Variants in MARCHF8 observed in about 807,000 individuals in gnomAD.
The protein encoded by MARCHF8 is E3 ubiquitin-protein ligase MARCHF8.
MARCHF8 carries 40 observed loss-of-function variants against 51.6 expected under a neutral mutation model. The observed-to-expected ratio is 0.77, with a 90% CI of 0.60 to 1.01. The LOEUF (loss-of-function observed/expected upper bound fraction) is 1.01, where lower values mean the gene tolerates loss of function less well. Ranked by LOEUF, MARCHF8 falls within the 50% of genes least tolerant of loss-of-function variation. The probability of loss-of-function intolerance (pLI) is 0.00; values close to 1 mark genes in which losing one functional copy is unlikely to be tolerated. For missense variants in MARCHF8, 685 were observed against 708.6 expected, an observed-to-expected ratio of 0.97 and a Z score of 0.38; for synonymous variants, 263 against 280.3, an observed-to-expected ratio of 0.94 and a Z score of 0.62.
At position 45,457,630 on chromosome 10, in the gene MARCHF8, AT is replaced by A; in HGVS notation, c.*608del. 6.5e-6 allele frequency: 1 copy of A among 152,676 alleles called. No homozygotes were observed. The highest frequency in any genetic ancestry group is 1.5e-5 in the Non-Finnish European group (1 of 68,082). The allele number at this position is 152,676 out of a possible 1,614,324, so 9.5% of individuals were successfully genotyped here. ...AGTGTCAATCCCGCTGGACACACAT[AT>A]TACAAAATAAAGATTTTCTTCTGTA... On this transcript the variant is annotated 3_prime_UTR_variant, in exon 8 of 8. Coordinates refer to ENST00000453424, the MANE Select transcript of MARCHF8 (RefSeq NM_001282866.2).
chr10:45,487,326 T>C (rs963851917), intron 3 of MARCHF8, among the ~76,000 whole-genome samples: 1 of 152,190 alleles, frequency 6.6e-6, no homozygotes, highest in South Asian at 2.1e-4. Context: ...TTCCTTTAAA[T>C]AAAATGTGAC....
Position 45,514,425 on chromosome 10 carries a change from G to C in MARCHF8, c.102+18685C>G, listed in dbSNP as rs535844104. Among the ~76,000 whole-genome samples, 201 of 152,350 alleles carry C rather than the reference G, an allele frequency of 1.3e-3. 1 individual carries two copies. Among genetic ancestry groups the C allele is most frequent in the African/African-American group, 4.4e-3 (181 of 41,580 alleles). ...TCCCTGTGCTTGATGCCGGGGAACA[G>C]GCGCTGCCTGCACAGCAGCTGCCAC... On this transcript the variant is annotated intron_variant, in intron 2 of 7. Transcript: ENST00000453424.
At chr10:45,508,861 T>C (rs2043439237) in intron 2 of MARCHF8, among the ~76,000 whole-genome samples, 2 of 152,378 alleles carry the variant, frequency 1.3e-5, no homozygotes, top group East Asian at 1.9e-4. Flanking sequence ...TTATCTTGTT[T>C]TGCATGTCAC....
chr10:45,555,411 G>A (rs886400780), intron 1 of MARCHF8, among the ~76,000 whole-genome samples: 1 of 151,850 alleles, frequency 6.6e-6, no homozygotes, highest in African/African-American at 2.4e-5. Flanking sequence ...AAGAATAACT[G>A]CAATGAACTT....
intron 1 of MARCHF8, among the ~76,000 whole-genome samples, chr10:45,543,872 TA>T (rs1490508419): frequency 6.0e-5 from 9 of 150,852 alleles, no homozygotes; most frequent in Non-Finnish European, 3.0e-5. Context: ...AACATAATTT[TA>T]AAATAAGCAA....
intron 1 of MARCHF8, among the ~76,000 whole-genome samples, chr10:45,557,113 A>C (rs1227028687): frequency 1.3e-4 from 12 of 90,932 alleles, no homozygotes; most frequent in Non-Finnish European, 2.3e-5. Flanking sequence ...AAAGGTGCCT[A>C]TTCTTTTTTT....
At chr10:45,564,047 A>G (rs2044338526) in intron 1 of MARCHF8, among the ~76,000 whole-genome samples, 4 of 152,312 alleles carry the variant, frequency 2.6e-5, no homozygotes, top group Non-Finnish European at 5.9e-5. Flanking sequence ...AGGCCGTGGC[A>G]GGTGGATCAC....
At chr10:45,580,653 C>A (rs920119075) in intron 1 of MARCHF8, among the ~76,000 whole-genome samples, 3 of 152,186 alleles carry the variant, frequency 2.0e-5, no homozygotes, top group African/African-American at 7.2e-5. Context: ...TCGTCAAGAA[C>A]CAGTTTCACT....
chr10:45,469,431 T>C (rs1040558714), intron 3 of MARCHF8, among the ~76,000 whole-genome samples: 4 of 152,152 alleles, frequency 2.6e-5, no homozygotes, highest in African/African-American at 9.7e-5. Context: ...AAGAAATCAA[T>C]GTAGTGGGTG....
chr10:45,490,560 T>C (rs1564481568), intron 2 of MARCHF8, among the ~76,000 whole-genome samples: 1 of 152,112 alleles, frequency 6.6e-6, no homozygotes, highest in Non-Finnish European at 1.5e-5. Flanking sequence ...CCACCTTCCG[T>C]ATGGCAATTT....
chr10:45,523,624 C>A (rs12784527), intron 2 of MARCHF8, among the ~76,000 whole-genome samples: 1,735 of 152,266 alleles, frequency 0.011, 20 homozygotes, highest in Non-Finnish European at 0.014. Flanking sequence ...TATCTGCCAC[C>A]TAGTTGTCCA....
At chr10:45,469,852 G>A (rs1201861856) in intron 3 of MARCHF8, among the ~76,000 whole-genome samples, 4 of 106,178 alleles carry the variant, frequency 3.8e-5, no homozygotes, top group Non-Finnish European at 7.0e-5. Context: ...GCGACAGAGT[G>A]AGACTCCGTC....
At chr10:45,557,364 G>A (rs143016760) in intron 1 of MARCHF8, among the ~76,000 whole-genome samples, 17 of 151,868 alleles carry the variant, frequency 1.1e-4, no homozygotes, top group African/African-American at 3.9e-4. Context: ...CCTGACCTCA[G>A]GTGATCCACC....
At chr10:45,564,516 T>C (rs1013249765) in intron 1 of MARCHF8, among the ~76,000 whole-genome samples, 4 of 152,150 alleles carry the variant, frequency 2.6e-5, no homozygotes, top group African/African-American at 7.2e-5. Context: ...GACATGTACA[T>C]AATCAGAAAT....
intron 1 of MARCHF8, among the ~76,000 whole-genome samples, chr10:45,581,326 A>C (rs555947037): frequency 2.6e-5 from 4 of 152,178 alleles, no homozygotes; most frequent in Non-Finnish European, 5.9e-5. Flanking sequence ...ATCCTACCAC[A>C]GACTGATGCA....
intron 3 of MARCHF8, among the ~76,000 whole-genome samples, chr10:45,481,580 T>G (rs1310916992): frequency 6.6e-6 from 1 of 152,236 alleles, no homozygotes; most frequent in Non-Finnish European, 1.5e-5. Context: ...GATGGTTTTA[T>G]AAGGGGAAAC....
chr10:45,545,991 G>T (rs903259915), intron 1 of MARCHF8, among the ~76,000 whole-genome samples: 41 of 152,100 alleles, frequency 2.7e-4, no homozygotes, highest in African/African-American at 9.9e-4. Context: ...AAATTTCAGG[G>T]AAGATGACAG....
chr10:45,504,879 T>A (rs1416143481), intron 2 of MARCHF8, among the ~76,000 whole-genome samples: 2 of 152,176 alleles, frequency 1.3e-5, no homozygotes, highest in Non-Finnish European at 2.9e-5. Flanking sequence ...TCCCTCTTCC[T>A]CCTGAGTAGG....
chr10:45,564,105 GTC>G (rs2044339298), intron 1 of MARCHF8, among the ~76,000 whole-genome samples: 1 of 152,096 alleles, frequency 6.6e-6, no homozygotes. Context: ...GTGAAACACT[GTC>G]TCTACTAAAA....
Sources: gnomAD v4.1 joint callset for allele counts (sites outside exome capture counted in the v4.1 genomes callset) on GRCh38, gnomAD v4.1.1 for gene constraint, MANE v1.5 for transcripts, NCBI Gene and HGNC (gene_info 2026-07-23, HGNC 2026-07-21) for gene names.